SAMD13: variants seen among roughly 807,000 people sequenced by gnomAD.
The protein encoded by SAMD13 is sterile alpha motif domain containing 13.
SAMD13 carries 9 observed loss-of-function variants against 12.4 expected under a neutral mutation model. The observed-to-expected ratio is 0.72, with a 90% CI of 0.44 to 1.26. The LOEUF (loss-of-function observed/expected upper bound fraction) is 1.26. Among genes scored for constraint, SAMD13 ranks in the 50% most tolerant of loss-of-function variants. SAMD13 has a pLI of 0.00. For missense variants in SAMD13, 84 were observed against 119.6 expected (o/e 0.70, Z 1.39); for synonymous variants, 46 against 45.4 (o/e 1.01, Z -0.05).
intron 3 of SAMD13, among the ~76,000 whole-genome samples, chr1:84,338,089 C>T (rs1196902128): frequency 6.6e-6 from 1 of 152,194 alleles, no homozygotes; most frequent in Non-Finnish European, 1.5e-5. Context: ...CAACAAGTCT[C>T]TAGGAAGTTT....
upstream of SAMD13, chr1:84,299,676 T>G (rs980386781): frequency 1.7e-6 from 1 of 590,692 alleles, no homozygotes. Context: ...TATATATATA[T>G]TTATTTATTT....
intron 2 of SAMD13, among the ~76,000 whole-genome samples, chr1:84,324,304 G>A (rs773590566): frequency 3.0e-4 from 46 of 152,236 alleles, no homozygotes; most frequent in Admixed American, 1.7e-3. Flanking sequence ...CCTCAGTGTG[G>A]CCTCCAAGAC....
intron 2 of SAMD13, among the ~76,000 whole-genome samples, chr1:84,304,714 A>C (rs1678528848): frequency 6.6e-6 from 1 of 151,950 alleles, no homozygotes; most frequent in Admixed American, 6.6e-5. Context: ...TGTCATTATA[A>C]ATTAGTTTGC....
At chr1:84,330,977 C>A (rs980542026) in intron 3 of SAMD13, among the ~76,000 whole-genome samples, 1 of 152,020 alleles carries the variant, frequency 6.6e-6, no homozygotes, top group African/African-American at 2.4e-5. Context: ...AGAATAGTAT[C>A]TTTACTCTGA....
chr1:84,318,752 C>T (rs573057777), intron 2 of SAMD13, among the ~76,000 whole-genome samples: 3 of 152,078 alleles, frequency 2.0e-5, no homozygotes, highest in South Asian at 4.2e-4. Flanking sequence ...AAAATTCATT[C>T]CTTGATATGT....
chr1:84,329,683 A>G (rs1258175822), intron 3 of SAMD13, among the ~76,000 whole-genome samples: 3 of 152,170 alleles, frequency 2.0e-5, no homozygotes, highest in Non-Finnish European at 2.9e-5. Flanking sequence ...ATCTGCTGCA[A>G]TTATCTTCAT....
intron 3 of SAMD13, among the ~76,000 whole-genome samples, chr1:84,329,932 CTAG>C (rs113863710): frequency 9.3e-4 from 142 of 152,278 alleles, no homozygotes; most frequent in African/African-American, 3.3e-3. Context: ...ACTCATTCAG[CTAG>C]CAATCCAAAG....
chr1:84,345,334 G>A, intron 3 of SAMD13: 2 of 408,278 alleles, frequency 4.9e-6, no homozygotes, highest in Non-Finnish European at 9.7e-6. Context: ...GGGGTGTTCT[G>A]ATGCTTATGA....
Position 84,349,939 on chromosome 1 carries a change from T to C in SAMD13, c.*165T>C. 2.2e-6 allele frequency: 3 copies of C among 1,343,700 alleles called. No homozygotes were observed. The South Asian group carries it at 6.4e-5, about 29-fold the overall frequency. The allele number at this position is 1,343,700 out of a possible 1,614,324, so 83.2% of individuals were successfully genotyped here. ...AGACTAGGCAATTCATCAGCTCACC[T>C]GAAATCAGCCAGGAGGAGCAAGGAC... On this transcript the variant is annotated 3_prime_UTR_variant, in exon 4 of 4. Coordinates refer to ENST00000394834, the MANE Select transcript of SAMD13 (RefSeq NM_001134663.2).
At chr1:84,326,360 A>G (rs932481391) in intron 3 of SAMD13, among the ~76,000 whole-genome samples, 23 of 152,168 alleles carry the variant, frequency 1.5e-4, no homozygotes, top group Non-Finnish European at 4.4e-5. Flanking sequence ...ATTAGTGGAC[A>G]ATATACACAC....
At chr1:84,317,833 G>A (rs1678867710) in intron 2 of SAMD13, among the ~76,000 whole-genome samples, 1 of 151,992 alleles carries the variant, frequency 6.6e-6, no homozygotes, top group Non-Finnish European at 1.5e-5. Context: ...GGCTTTTCTT[G>A]TATGGAAGAT....
intron 1 of SAMD13, chr1:84,302,506 A>G (rs1427615316): frequency 1.0e-5 from 2 of 198,646 alleles, no homozygotes; most frequent in African/African-American, 2.4e-5. Flanking sequence ...ATGATTTTTC[A>G]TAAATCTAAT....
intron 2 of SAMD13, chr1:84,304,407 T>C (rs1407093853): frequency 6.6e-6 from 1 of 152,178 alleles, no homozygotes; most frequent in African/African-American, 2.4e-5. Context: ...TGGTAGCCAC[T>C]AGCCACATGT....
At chr1:84,311,921 A>G (rs1209634410) in intron 2 of SAMD13, among the ~76,000 whole-genome samples, 13 of 152,208 alleles carry the variant, frequency 8.5e-5, no homozygotes, top group Non-Finnish European at 1.6e-4. Context: ...TTGATTAGGC[A>G]GTATCTTTAT....
At chr1:84,339,677 A>G (rs1379431453) in intron 3 of SAMD13, among the ~76,000 whole-genome samples, 1 of 152,220 alleles carries the variant, frequency 6.6e-6, no homozygotes, top group Non-Finnish European at 1.5e-5. Context: ...CAGCAGCCAC[A>G]GCAGCATGTC....
intron 2 of SAMD13, among the ~76,000 whole-genome samples, chr1:84,316,831 C>A (rs1239968845): frequency 6.6e-6 from 1 of 151,992 alleles, no homozygotes; most frequent in Non-Finnish European, 1.5e-5. Context: ...AATATTAAAT[C>A]TTCCATCCAT....
chr1:84,321,159 C>G (rs971441640), intron 2 of SAMD13, among the ~76,000 whole-genome samples: 1 of 152,032 alleles, frequency 6.6e-6, no homozygotes, highest in African/African-American at 2.4e-5. Flanking sequence ...GTCTCTTTAA[C>G]GCTCATTAAA....
intron 2 of SAMD13, among the ~76,000 whole-genome samples, chr1:84,325,114 C>A (rs1448886009): frequency 6.6e-6 from 1 of 152,138 alleles, no homozygotes; most frequent in East Asian, 1.9e-4. Flanking sequence ...CTAAAACACA[C>A]CCTTGGAAGA....
intron 3 of SAMD13, among the ~76,000 whole-genome samples, chr1:84,338,514 T>C (rs1217929486): frequency 1.4e-5 from 2 of 141,958 alleles, no homozygotes; most frequent in Admixed American, 1.5e-4. Context: ...CTCAGCTCAC[T>C]CCAACCTCTG....
Sources: gnomAD v4.1 joint callset for allele counts (sites outside exome capture counted in the v4.1 genomes callset) on GRCh38, gnomAD v4.1.1 for gene constraint, MANE v1.5 for transcripts, NCBI Gene and HGNC (gene_info 2026-07-23, HGNC 2026-07-21) for gene names.